NEK11: variants seen among roughly 807,000 people sequenced by gnomAD.
NEK11 encodes NIMA related kinase 11, also known as serine/threonine-protein kinase Nek11.
In NEK11, 72 loss-of-function variants were observed where a neutral mutation model predicts 80.7. The ratio of observed to expected loss-of-function variants is 0.89; its 90% CI spans 0.74 to 1.08. NEK11 has a LOEUF of 1.08. NEK11 is among the 50% of genes least tolerant of loss of function. The pLI is 0.00. For synonymous variants in NEK11, 251 were observed against 260.7 expected, an observed-to-expected ratio of 0.96 and a Z score of 0.36; for missense variants, 764 against 763.6, an observed-to-expected ratio of 1.00 and a Z score of -0.01.
intron 14 of NEK11, among the ~76,000 whole-genome samples, chr3:131,224,888 CA>C (rs2095144075): frequency 1.3e-5 from 2 of 152,108 alleles, no homozygotes; most frequent in Non-Finnish European, 1.5e-5. Flanking sequence ...TACAGCTGTA[CA>C]ATGTGTTTGT....
intron 3 of NEK11, among the ~76,000 whole-genome samples, chr3:131,041,327 A>G (rs894484814): frequency 6.6e-6 from 1 of 152,220 alleles, no homozygotes; most frequent in Admixed American, 6.5e-5. Context: ...TTCCATATGA[A>G]TTGGACCTGA....
At chr3:131,116,632 C>T (rs1244413313) in intron 5 of NEK11, among the ~76,000 whole-genome samples, 2 of 152,234 alleles carry the variant, frequency 1.3e-5, no homozygotes, top group East Asian at 3.8e-4. Context: ...TCCTCTCCAG[C>T]ACCTGTTGTT....
chr3:131,308,702 C>T (rs893228242), intron 17 of NEK11, among the ~76,000 whole-genome samples: 11 of 152,186 alleles, frequency 7.2e-5, no homozygotes, highest in South Asian at 4.1e-4. Context: ...AGTTTATACA[C>T]GCACCTGAGG....
chr3:131,028,471 C>G lies in NEK11; in HGVS notation c.-97+469C>G, dbSNP rs549888694. 3.9e-5 allele frequency among the ~76,000 whole-genome samples: 6 copies of G among 152,290 alleles called. No homozygotes were observed. The South Asian group carries it at 6.2e-4, about 16-fold the overall frequency. On this transcript the variant is annotated intron_variant, in intron 2 of 17. Coordinates refer to ENST00000383366, the MANE Select transcript of NEK11 (RefSeq NM_024800.5). ...AACAAAAGCACACTTTTCTTGATAACTAACAAAACATTTAACATTCTGATG... is the reference window on the plus strand; with the variant it reads ...AACAAAAGCACACTTTTCTTGATAAGTAACAAAACATTTAACATTCTGATG...
intron 9 of NEK11, among the ~76,000 whole-genome samples, chr3:131,153,520 T>C (rs957100154): frequency 1.3e-5 from 2 of 152,166 alleles, no homozygotes; most frequent in African/African-American, 2.4e-5. Context: ...TTTTAAAACT[T>C]CTCAGGGTTT....
At chr3:131,120,763 A>T (rs1302679591) in intron 5 of NEK11, among the ~76,000 whole-genome samples, 1 of 152,054 alleles carries the variant, frequency 6.6e-6, no homozygotes, top group Non-Finnish European at 1.5e-5. Context: ...CGTCCACTTG[A>T]TCAAGTCAGC....
intron 14 of NEK11, among the ~76,000 whole-genome samples, chr3:131,209,881 CTTT>C (rs2094556527): frequency 6.6e-6 from 1 of 151,928 alleles, no homozygotes; most frequent in Admixed American, 6.6e-5. Context: ...CTCTTTTCTT[CTTT>C]GTTAGTCTTG....
chr3:131,059,215 G>T (rs1051972786), intron 3 of NEK11, among the ~76,000 whole-genome samples: 6 of 152,056 alleles, frequency 3.9e-5, no homozygotes, highest in Non-Finnish European at 8.8e-5. Flanking sequence ...CTTTTATCTG[G>T]AGCTGGAGAA....
At chr3:131,181,616 G>C (rs1279448820) in intron 14 of NEK11, among the ~76,000 whole-genome samples, 1 of 151,746 alleles carries the variant, frequency 6.6e-6, no homozygotes, top group Admixed American at 6.6e-5. Flanking sequence ...TGTGGTGGCG[G>C]GCGCCTGTAG....
intron 17 of NEK11, among the ~76,000 whole-genome samples, chr3:131,326,941 A>C (rs1232107432): frequency 6.6e-6 from 1 of 152,166 alleles, no homozygotes. Context: ...GGTCTCAGAG[A>C]GATAATTGCC....
At chr3:131,139,734 G>C (rs2086457270) in intron 7 of NEK11, among the ~76,000 whole-genome samples, 1 of 152,200 alleles carries the variant, frequency 6.6e-6, no homozygotes. Flanking sequence ...TATTTGGCAA[G>C]TATTAAATCT....
At chr3:131,228,995 TA>T (rs2095274731) in intron 15 of NEK11, among the ~76,000 whole-genome samples, 1 of 152,186 alleles carries the variant, frequency 6.6e-6, no homozygotes, top group Non-Finnish European at 1.5e-5. Flanking sequence ...GCTATTGAAT[TA>T]AAAAATGCAA....
chr3:131,151,326 A>G (rs969965063), intron 7 of NEK11, among the ~76,000 whole-genome samples: 3 of 152,088 alleles, frequency 2.0e-5, no homozygotes, highest in African/African-American at 7.2e-5. Context: ...TGTAAAATGT[A>G]AAGTACCAGT....
chr3:131,245,330 C>CGTGTGTGTGTGTGTGTG (rs2095583722), intron 16 of NEK11, among the ~76,000 whole-genome samples: 2 of 122,852 alleles, frequency 1.6e-5, no homozygotes, highest in African/African-American at 8.6e-5. Flanking sequence ...TGTGTGTGTA[C>CGTGTGTGTGTGTGTGTG]TGTTATCCAA....
chr3:131,092,712 A>G (rs2076903753), intron 4 of NEK11: 2 of 152,230 alleles, frequency 1.3e-5, no homozygotes, highest in South Asian at 2.1e-4. Flanking sequence ...GATTTCTAAT[A>G]ATAACTCTAT....
At chr3:131,185,064 G>C (rs969007583) in intron 14 of NEK11, among the ~76,000 whole-genome samples, 13 of 152,126 alleles carry the variant, frequency 8.5e-5, no homozygotes, top group African/African-American at 3.1e-4. Flanking sequence ...GTGCACACTT[G>C]TTTCTTTTGT....
chr3:131,136,849 C>T (rs1336350824), intron 7 of NEK11, among the ~76,000 whole-genome samples: 3 of 152,082 alleles, frequency 2.0e-5, no homozygotes, highest in Non-Finnish European at 4.4e-5. Flanking sequence ...GTTCCTAGGC[C>T]AGCTCATTAA....
chr3:131,184,854 T>G, intron 14 of NEK11: 1 of 383,078 alleles, frequency 2.6e-6, no homozygotes, highest in Non-Finnish European at 4.4e-6. Flanking sequence ...AAATAATATT[T>G]TAGGTAAGTC....
chr3:131,288,672 G>A (rs545101379), intron 17 of NEK11, among the ~76,000 whole-genome samples: 7 of 151,840 alleles, frequency 4.6e-5, no homozygotes, highest in African/African-American at 1.7e-4. Flanking sequence ...GACTTGTCTC[G>A]AACTCCCGAC....
Sources: allele counts gnomAD v4.1 joint callset (sites outside exome capture counted in the v4.1 genomes callset), GRCh38; gene constraint gnomAD v4.1.1; transcripts MANE v1.5; gene names NCBI Gene and HGNC (gene_info 2026-07-23, HGNC 2026-07-21).